BAIAP2L1: variants seen among roughly 807,000 people sequenced by gnomAD.
BAIAP2L1 encodes BAR/IMD domain-containing adapter protein 2-like 1.
In BAIAP2L1, 35 loss-of-function variants were observed where a neutral mutation model predicts 66.3. The observed-to-expected ratio is 0.53, with a 90% CI of 0.40 to 0.70. The LOEUF (loss-of-function observed/expected upper bound fraction) is 0.70. BAIAP2L1 is among the 30% of genes least tolerant of loss of function. The pLI is 0.00. For synonymous variants in BAIAP2L1, 269 were observed against 248.7 expected (o/e 1.08, Z -0.77); for missense variants, 622 against 656.9 (o/e 0.95, Z 0.58).
intron 2 of BAIAP2L1, among the ~76,000 whole-genome samples, chr7:98,361,637 T>C (rs1802272866): frequency 6.6e-6 from 1 of 152,176 alleles, no homozygotes; most frequent in Non-Finnish European, 1.5e-5. Context: ...CCAATAGCAA[T>C]ACTCAAGTTC....
At chr7:98,397,115 G>T (rs1803229230) in intron 1 of BAIAP2L1, among the ~76,000 whole-genome samples, 2 of 152,110 alleles carry the variant, frequency 1.3e-5, no homozygotes, top group South Asian at 2.1e-4. Flanking sequence ...TTCTAAGGTA[G>T]TGTTATGGGG....
At chr7:98,386,062 A>T in intron 1 of BAIAP2L1, 1 of 1,496,240 alleles carries the variant, frequency 6.7e-7, no homozygotes, top group Non-Finnish European at 9.2e-7. Flanking sequence ...ATTTGTCTGC[A>T]CCTCTCGGGT....
At chr7:98,318,710 C>T (rs943673340) in intron 5 of BAIAP2L1, among the ~76,000 whole-genome samples, 4 of 151,366 alleles carry the variant, frequency 2.6e-5, no homozygotes, top group African/African-American at 7.3e-5. Flanking sequence ...TTTAGGAGGC[C>T]GAGGCAGGTG....
At chr7:98,337,955 T>C (rs1228750325) in intron 3 of BAIAP2L1, among the ~76,000 whole-genome samples, 13 of 152,088 alleles carry the variant, frequency 8.5e-5, no homozygotes, top group East Asian at 1.9e-4. Flanking sequence ...AGCTAGCCTC[T>C]TGAGTTATTA....
intron 1 of BAIAP2L1, among the ~76,000 whole-genome samples, chr7:98,393,131 ACACACATATGTG>A (rs1277285266): frequency 1.0e-5 from 1 of 98,282 alleles, no homozygotes; most frequent in African/African-American, 3.1e-5. Context: ...ATGTATATAT[ACACACATATGTG>A]TACATATATA....
chr7:98,386,844 C>T lies in BAIAP2L1; in HGVS notation c.51+13958G>A, dbSNP rs1325494634. Among the ~76,000 whole-genome samples the T allele has an allele frequency of 4.0e-5, 6 of 151,538 alleles. No individual in the cohort carries two copies. The East Asian group carries it at 7.8e-4, about 20-fold the overall frequency. On this transcript the variant is annotated intron_variant, in intron 1 of 13. Coordinates refer to ENST00000005260, the MANE Select transcript of BAIAP2L1 (RefSeq NM_018842.5). ...CCTCCCGAGTAGCTGGGACTACAGG[C>T]GCCCGCCACTGCACCCAACTAATTT...
chr7:98,379,717 TAATAG>T (rs570538641), intron 1 of BAIAP2L1, among the ~76,000 whole-genome samples: 51 of 152,178 alleles, frequency 3.4e-4, no homozygotes, highest in Admixed American at 2.1e-3. Flanking sequence ...TATATCCATT[TAATAG>T]AATATTATTC....
Position 98,293,422 on chromosome 7 carries a change from C to A in BAIAP2L1, c.*99G>T, listed in dbSNP as rs1800050334. 2 of 1,123,306 alleles carry A rather than the reference C, an allele frequency of 1.8e-6. No homozygotes were observed. The highest frequency in any genetic ancestry group is 3.0e-5 in the African/African-American group (2 of 66,596). 69.6% of individuals were successfully genotyped at this position (1,123,306 alleles called of 1,614,324 possible). Reference sequence around the variant, plus strand: ...AGGCGACATTAGAGTTAGGCCTCTCCACTGAAGCTTCCCGACCGTCAGCAC... The same window carrying A: ...AGGCGACATTAGAGTTAGGCCTCTCAACTGAAGCTTCCCGACCGTCAGCAC... On this transcript the variant is annotated 3_prime_UTR_variant, in exon 14 of 14. Transcript: ENST00000005260.
chr7:98,304,411 A>G, intron 11 of BAIAP2L1, 35 bp from the exon 12 acceptor site: 1 of 1,608,020 alleles, frequency 6.2e-7, no homozygotes, highest in Non-Finnish European at 8.5e-7. Flanking sequence ...CGTGTTAGAT[A>G]ATGTCTCACC....
At chr7:98,397,666 C>G (rs1038482576) in intron 1 of BAIAP2L1, among the ~76,000 whole-genome samples, 2 of 152,112 alleles carry the variant, frequency 1.3e-5, no homozygotes, top group African/African-American at 4.8e-5. Flanking sequence ...AAGGCTGTGG[C>G]TGCTCTTAAT....
intron 3 of BAIAP2L1, among the ~76,000 whole-genome samples, chr7:98,346,662 C>A (rs1801878088): frequency 6.6e-6 from 1 of 152,174 alleles, no homozygotes; most frequent in South Asian, 2.1e-4. Flanking sequence ...GCAAGGACAG[C>A]AGAGCATCCC....
chr7:98,390,542 C>T lies in BAIAP2L1; in HGVS notation c.51+10260G>A, dbSNP rs1193181749. Among the ~76,000 whole-genome samples, 3 of 151,840 alleles carry T rather than the reference C, an allele frequency of 2.0e-5. No homozygotes were observed. In the East Asian group the frequency reaches 6.0e-4, roughly 31 times the overall value. ...AGGAGATCGAGACCATCTTGGCTAA[C>T]ACGGTGAAACCCCGTCTCTATTAAA... On this transcript the variant is annotated intron_variant, in intron 1 of 13. Coordinates refer to ENST00000005260, the MANE Select transcript of BAIAP2L1 (RefSeq NM_018842.5).
chr7:98,374,893 C>T (rs979539892), intron 1 of BAIAP2L1, among the ~76,000 whole-genome samples: 1 of 151,890 alleles, frequency 6.6e-6, no homozygotes, highest in East Asian at 1.9e-4. Context: ...CAAGACCAGC[C>T]TAAGCAACAT....
At chr7:98,327,112 G>T (rs1801394435) in intron 3 of BAIAP2L1, among the ~76,000 whole-genome samples, 1 of 152,188 alleles carries the variant, frequency 6.6e-6, no homozygotes, top group Admixed American at 6.5e-5. Context: ...TGGAATCCCA[G>T]TGCTCTGGGA....
intron 1 of BAIAP2L1, chr7:98,385,711 GC>G: frequency 8.5e-7 from 1 of 1,178,306 alleles, no homozygotes. Context: ...CCCACACCCA[GC>G]CAGGAATCAA....
At chr7:98,300,314 G>A (rs532564261) in intron 12 of BAIAP2L1, among the ~76,000 whole-genome samples, 1 of 152,302 alleles carries the variant, frequency 6.6e-6, no homozygotes, top group Admixed American at 6.5e-5. Flanking sequence ...TCTGTAGGCT[G>A]TTTCCCACAG....
In BAIAP2L1 at chr7:98,310,501, A is replaced by G. The variant is rs370678062; in HGVS notation, c.899T>C (p.Met300Thr). The G allele has an allele frequency of 7.5e-6, 12 of 1,607,584 alleles. No individual in the cohort carries two copies. The highest frequency in any genetic ancestry group is 2.7e-5 in the African/African-American group (2 of 74,602). The stretch of plus-strand genomic sequence containing the variant: ...GGCAGCCGTGGCTGGGTTATTAAAC[A>G]TATCGATCAAGGGACTGGTATATGC... ...GRAYTSPLID[M>T]FNNPATAAPN... Residue 300 changes from methionine (M) to threonine (T), a missense_variant, in exon 9 of 14, where the codon ATG becomes ACG. By Grantham distance (81) the Met-to-Thr change is moderately conservative. Transcript: ENST00000005260.
At chr7:98,378,795 C>T (rs994678622) in intron 1 of BAIAP2L1, among the ~76,000 whole-genome samples, 1 of 151,934 alleles carries the variant, frequency 6.6e-6, no homozygotes, top group African/African-American at 2.4e-5. Context: ...GCCACCATGT[C>T]CATGGCTCAG....
At chr7:98,380,238 CACCT>C (rs1352583383) in intron 1 of BAIAP2L1, among the ~76,000 whole-genome samples, 3 of 151,946 alleles carry the variant, frequency 2.0e-5, no homozygotes, top group Non-Finnish European at 4.4e-5. Context: ...CCAACACACC[CACCT>C]AATTTTTAAA....
Sources: gnomAD v4.1 joint callset for allele counts (sites outside exome capture counted in the v4.1 genomes callset) on GRCh38, gnomAD v4.1.1 for gene constraint, MANE v1.5 for transcripts, NCBI Gene and HGNC (gene_info 2026-07-23, HGNC 2026-07-21) for gene names.